The following ABTB3 variants were observed in gnomAD, a reference collection of about 807,000 sequenced individuals.
The protein encoded by ABTB3 is ankyrin repeat and BTB domain containing 3, also known as ankyrin repeat- and BTB/POZ domain-containing protein 3.
the ABTB3 span, among the ~76,000 whole-genome samples, chr12:107,466,390 T>G: frequency 6.6e-5 from 10 of 152,088 alleles, no homozygotes; most frequent in African/African-American, 2.2e-4. Context: ...AAGGGGACAT[T>G]TAAAACAGGA....
chr12:107,449,805 C>T, the ABTB3 span, among the ~76,000 whole-genome samples: 2 of 152,108 alleles, frequency 1.3e-5, no homozygotes, highest in African/African-American at 4.8e-5. Context: ...CACCACCACA[C>T]TGGCTAATTT....
At chr12:107,343,234 C>T in the ABTB3 span, among the ~76,000 whole-genome samples, 8 of 152,170 alleles carry the variant, frequency 5.3e-5, no homozygotes, top group East Asian at 1.6e-3. Flanking sequence ...AGGCCAGTCT[C>T]GAACTCCTGG....
At chr12:107,461,726 A>G in the ABTB3 span, among the ~76,000 whole-genome samples, 2 of 152,160 alleles carry the variant, frequency 1.3e-5, no homozygotes, top group African/African-American at 2.4e-5. Flanking sequence ...GAGGTAGAGG[A>G]TATGAATAAG....
chr12:107,417,629 G>A, the ABTB3 span, among the ~76,000 whole-genome samples: 1 of 152,232 alleles, frequency 6.6e-6, no homozygotes, highest in African/African-American at 2.4e-5. Context: ...CCCGTACTAT[G>A]TATCCCGTAG....
At chr12:107,571,325 C>G in the ABTB3 span, among the ~76,000 whole-genome samples, 1 of 152,238 alleles carries the variant, frequency 6.6e-6, no homozygotes, top group Non-Finnish European at 1.5e-5. Flanking sequence ...AATGATGAAG[C>G]CTGGGCACAA....
At chr12:107,482,836 T>A in the ABTB3 span, among the ~76,000 whole-genome samples, 1 of 151,876 alleles carries the variant, frequency 6.6e-6, no homozygotes, top group Non-Finnish European at 1.5e-5. Flanking sequence ...TTTTTCTTTC[T>A]TTCTTTCTTT....
At chr12:107,362,057 G>C in the ABTB3 span, among the ~76,000 whole-genome samples, 1 of 152,126 alleles carries the variant, frequency 6.6e-6, no homozygotes, top group African/African-American at 2.4e-5. Context: ...GACTATCCCA[G>C]CCTCCAGAAC....
chr12:107,563,112 T>G, the ABTB3 span, among the ~76,000 whole-genome samples: 5 of 152,212 alleles, frequency 3.3e-5, no homozygotes, highest in African/African-American at 1.2e-4. Flanking sequence ...CCAAGCCTGG[T>G]TCTCATTAAA....
At chr12:107,323,271 GTTC>G in the ABTB3 span, among the ~76,000 whole-genome samples, 5 of 152,118 alleles carry the variant, frequency 3.3e-5, no homozygotes, top group African/African-American at 1.2e-4. Flanking sequence ...CTGGCTCCAA[GTTC>G]TTCTTCCTTG....
the ABTB3 span, among the ~76,000 whole-genome samples, chr12:107,567,838 T>C: frequency 6.6e-6 from 1 of 152,000 alleles, no homozygotes; most frequent in Non-Finnish European, 1.5e-5. Context: ...CCAAAACCAT[T>C]CCCCCCTACC....
the ABTB3 span, chr12:107,318,771 C>A: frequency 1.4e-6 from 1 of 707,398 alleles, no homozygotes; most frequent in Non-Finnish European, 2.3e-6. Context: ...ATTCCAGCGG[C>A]GGCAGTTCCG....
At chr12:107,348,126 G>A in the ABTB3 span, among the ~76,000 whole-genome samples, 1 of 152,104 alleles carries the variant, frequency 6.6e-6, no homozygotes, top group Non-Finnish European at 1.5e-5. Flanking sequence ...GCCTTACTCA[G>A]AAAGTCTCCC....
At chr12:107,361,951 C>G in the ABTB3 span, among the ~76,000 whole-genome samples, 1 of 152,100 alleles carries the variant, frequency 6.6e-6, no homozygotes, top group Non-Finnish European at 1.5e-5. Flanking sequence ...CTCACTTGCC[C>G]CTTCCAACAT....
the ABTB3 span, among the ~76,000 whole-genome samples, chr12:107,600,847 A>G: frequency 6.6e-6 from 1 of 152,204 alleles, no homozygotes; most frequent in African/African-American, 2.4e-5. Context: ...GAGGCCCTGC[A>G]AGTGACAGGC....
chr12:107,607,093 T>TC, the ABTB3 span, among the ~76,000 whole-genome samples: 1 of 152,188 alleles, frequency 6.6e-6, no homozygotes, highest in Non-Finnish European at 1.5e-5. Flanking sequence ...ATCCATGGTT[T>TC]CCCCTTGTGT....
chr12:107,624,296 T>C, the ABTB3 span, among the ~76,000 whole-genome samples: 6 of 152,064 alleles, frequency 3.9e-5, no homozygotes, highest in African/African-American at 1.4e-4. Flanking sequence ...TAATTGTAGA[T>C]TCATGAAGTT....
At chr12:107,590,961 T>G in the ABTB3 span, among the ~76,000 whole-genome samples, 3 of 152,194 alleles carry the variant, frequency 2.0e-5, no homozygotes, top group Non-Finnish European at 4.4e-5. Flanking sequence ...CGTGAGGACA[T>G]TATCTTTCCT....
At chr12:107,567,286 T>C in the ABTB3 span, among the ~76,000 whole-genome samples, 1 of 152,220 alleles carries the variant, frequency 6.6e-6, no homozygotes, top group South Asian at 2.1e-4. Flanking sequence ...TTTCTACAAG[T>C]GGAGCTTAGA....
the ABTB3 span, among the ~76,000 whole-genome samples, chr12:107,625,320 T>A: frequency 6.6e-6 from 1 of 152,202 alleles, no homozygotes; most frequent in South Asian, 2.1e-4. Flanking sequence ...TGGCATTGAT[T>A]TATGTTTTTA....
Sources: allele counts gnomAD v4.1 joint callset (sites outside exome capture counted in the v4.1 genomes callset), GRCh38; gene constraint gnomAD v4.1.1; transcripts MANE v1.5; gene names NCBI Gene and HGNC (gene_info 2026-07-23, HGNC 2026-07-21).